Variants in GBP7 observed in about 807,000 individuals in gnomAD.
The protein encoded by GBP7 is guanylate binding protein 7.
Under a neutral mutation model 61.3 loss-of-function variants are expected in GBP7, and 43 were observed. The ratio of observed to expected loss-of-function variants is 0.70; its 90% CI spans 0.55 to 0.91. The LOEUF is 0.91. GBP7 is among the 40% of genes least tolerant of loss of function. The probability of loss-of-function intolerance (pLI) is 0.00; values close to 1 mark genes in which losing one functional copy is unlikely to be tolerated. For synonymous variants in GBP7, 267 were observed against 271.0 expected, an observed-to-expected ratio of 0.99 and a Z score of 0.14; for missense variants, 717 against 740.5, an observed-to-expected ratio of 0.97 and a Z score of 0.37.
chr1:89,132,031 G>T lies in GBP7; in HGVS notation c.*118C>A. Reference sequence around the variant, plus strand: ...ATTAAGTTTGTTTTTATGAACTTCAGGCCATAATATTCTTTGAAATTTGCT... The same window carrying T: ...ATTAAGTTTGTTTTTATGAACTTCATGCCATAATATTCTTTGAAATTTGCT... On this transcript the variant is annotated 3_prime_UTR_variant, in exon 11 of 11. Transcript: ENST00000294671. 1.4e-6 allele frequency: 1 copy of T among 707,818 alleles called. No individual in the cohort carries two copies. Among genetic ancestry groups the T allele is most frequent in the Non-Finnish European group, 2.2e-6 (1 of 454,780 alleles). 43.8% of individuals were successfully genotyped at this position (707,818 alleles called of 1,614,324 possible). A position where few individuals can be genotyped will look rare whatever the true frequency, so the allele number is the denominator to read the frequency against.
At chr1:89,138,175 A>G (rs1041505130) in intron 9 of GBP7, among the ~76,000 whole-genome samples, 10 of 152,154 alleles carry the variant, frequency 6.6e-5, no homozygotes, top group Non-Finnish European at 1.3e-4. Context: ...ACAAATGGAA[A>G]ATTATTTCAT....
rs903077636 is a variant in GBP7 at position 89,162,292 on chromosome 1, GT to G, written c.318+2438del. ...GTCCCATATGAATTTTTTAAAAACA[GT>G]TTTTTTCTAATTCTGTGAAGAATCT... On this transcript the variant is annotated intron_variant, in intron 3 of 10. Coordinates refer to ENST00000294671, the MANE Select transcript of GBP7 (RefSeq NM_207398.3). Among the ~76,000 whole-genome samples the G allele has an allele frequency of 3.9e-5, 6 of 152,082 alleles. No individual in the cohort carries two copies. In the East Asian group the frequency reaches 5.8e-4, roughly 15 times the overall value.
intron 3 of GBP7, among the ~76,000 whole-genome samples, chr1:89,155,878 G>A (rs1260124960): frequency 6.6e-6 from 1 of 152,108 alleles, no homozygotes; most frequent in Non-Finnish European, 1.5e-5. Flanking sequence ...TACTCCTCGA[G>A]AAAAGCAACT....
At chr1:89,157,970 C>A (rs1357216346) in intron 3 of GBP7, among the ~76,000 whole-genome samples, 1 of 152,172 alleles carries the variant, frequency 6.6e-6, no homozygotes, top group Non-Finnish European at 1.5e-5. Flanking sequence ...CAATAAGATA[C>A]TGGCAAACCA....
intron 3 of GBP7, among the ~76,000 whole-genome samples, chr1:89,161,595 A>C (rs559051925): frequency 9.9e-5 from 15 of 151,648 alleles, no homozygotes; most frequent in African/African-American, 3.6e-4. Context: ...GTGTCTGTTC[A>C]TGTCTTTTGC....
intron 3 of GBP7, among the ~76,000 whole-genome samples, chr1:89,158,566 A>G (rs1194574393): frequency 6.6e-6 from 1 of 152,178 alleles, no homozygotes; most frequent in Non-Finnish European, 1.5e-5. Flanking sequence ...TACACCAATA[A>G]CAGACAAACA....
At position 89,139,311 on chromosome 1, in the gene GBP7, CTTAGATG is replaced by C. The variant is rs1387053940; in HGVS notation, c.1468+2228_1468+2234del. Among the ~76,000 whole-genome samples the C allele has an allele frequency of 8.6e-5, 13 of 151,982 alleles. No homozygotes were observed. The East Asian group carries it at 2.5e-3, about 29-fold the overall frequency. On this transcript the variant is annotated intron_variant, in intron 9 of 10. Transcript: ENST00000294671. Reference sequence around the variant, plus strand: ...AAATGAATTCAAGATGGATTAAAGACTTAGATGTTAGACCTAAAACCATAAAAACCCT... The same window carrying C: ...AAATGAATTCAAGATGGATTAAAGACTTAGACCTAAAACCATAAAAACCCT...
At chr1:89,170,332 A>G (rs1385715243) in intron 2 of GBP7, among the ~76,000 whole-genome samples, 1 of 152,162 alleles carries the variant, frequency 6.6e-6, no homozygotes, top group Non-Finnish European at 1.5e-5. Flanking sequence ...TACCTGTCTG[A>G]CTTCTGCAGA....
chr1:89,137,036 CACTA>C (rs1309693228), intron 9 of GBP7, among the ~76,000 whole-genome samples: 4 of 151,994 alleles, frequency 2.6e-5, no homozygotes, highest in Non-Finnish European at 4.4e-5. Flanking sequence ...CCACTATGCA[CACTA>C]ACTAAGAAAC....
chr1:89,166,206 G>A (rs899495546), intron 2 of GBP7, among the ~76,000 whole-genome samples: 3 of 152,298 alleles, frequency 2.0e-5, no homozygotes, highest in Non-Finnish European at 4.4e-5. Flanking sequence ...TAGAGAGAGG[G>A]CTGATACAAG....
At chr1:89,156,010 T>C (rs575931106) in intron 3 of GBP7, among the ~76,000 whole-genome samples, 7 of 152,322 alleles carry the variant, frequency 4.6e-5, no homozygotes, top group Admixed American at 1.3e-4. Flanking sequence ...GCAGATCTCT[T>C]GGCAGAAACT....
Position 89,152,792 on chromosome 1 carries a change from A to AG in GBP7, c.319-16_319-15insC. ...TTAGGGTCACTCTAGTGTTAAAGAA[A>AG]AAAAAAAAAAAAATGGAAGCCACAG... On this transcript the variant is annotated splice_polypyrimidine_tract_variant and intron_variant, in intron 3 of 10. Coordinates refer to ENST00000294671, the MANE Select transcript of GBP7 (RefSeq NM_207398.3). 1 of 1,421,530 alleles carries AG rather than the reference A, an allele frequency of 7.0e-7. No homozygotes were observed. The highest frequency in any genetic ancestry group is 9.4e-7 in the Non-Finnish European group (1 of 1,061,998). 88.1% of individuals were successfully genotyped at this position (1,421,530 alleles called of 1,614,324 possible).
chr1:89,143,549 C>T (rs893848291), intron 8 of GBP7, among the ~76,000 whole-genome samples: 4 of 151,896 alleles, frequency 2.6e-5, no homozygotes, highest in Non-Finnish European at 1.5e-5. Context: ...ATTTTAAGTT[C>T]GGGGTAATTT....
rs768131392 is a variant in GBP7 at position 89,132,127 on chromosome 1, T to C, written c.*22A>G. 6.3e-7 allele frequency: 1 copy of C among 1,580,850 alleles called. No individual in the cohort carries two copies. The highest frequency in any genetic ancestry group is 8.6e-7 in the Non-Finnish European group (1 of 1,163,838). On this transcript the variant is annotated 3_prime_UTR_variant, in exon 11 of 11. Coordinates refer to ENST00000294671, the MANE Select transcript of GBP7 (RefSeq NM_207398.3). ...ACTTTTAAAATGAGCAACAGCGTTA[T>C]ACCATTTTAACAAAAGAAACCTCAG...
intron 1 of GBP7, among the ~76,000 whole-genome samples, chr1:89,175,666 G>A (rs1479485087): frequency 3.3e-5 from 5 of 152,184 alleles, no homozygotes; most frequent in Non-Finnish European, 7.3e-5. Context: ...AGTAATTTAA[G>A]ATGGTGTCAG....
intron 3 of GBP7, among the ~76,000 whole-genome samples, chr1:89,153,221 A>G (rs992106319): frequency 2.0e-5 from 3 of 152,184 alleles, no homozygotes; most frequent in African/African-American, 7.2e-5. Flanking sequence ...AGGACTTAAG[A>G]GTCTCCTTTT....
Position 89,166,059 on chromosome 1 carries a change from C to T in GBP7, c.191-1201G>A, listed in dbSNP as rs543417409. Among the ~76,000 whole-genome samples the T allele has an allele frequency of 2.4e-4, 37 of 152,164 alleles. No individual in the cohort carries two copies. In the East Asian group the frequency reaches 3.9e-3, roughly 16 times the overall value. ...TTGGACTTCCCAACCTCCAGATCTACGAGAAATAAGTTTTTATTATTTCTA... is the reference window on the plus strand; with the variant it reads ...TTGGACTTCCCAACCTCCAGATCTATGAGAAATAAGTTTTTATTATTTCTA... On this transcript the variant is annotated intron_variant, in intron 2 of 10. Coordinates refer to ENST00000294671, the MANE Select transcript of GBP7 (RefSeq NM_207398.3).
At chr1:89,167,960 C>T (rs1292907844) in intron 2 of GBP7, among the ~76,000 whole-genome samples, 1 of 152,130 alleles carries the variant, frequency 6.6e-6, no homozygotes, top group Non-Finnish European at 1.5e-5. Flanking sequence ...GGACTCTAGC[C>T]AGCTATATTT....
rs1682230439 is a variant in GBP7 at position 89,152,676 on chromosome 1, C to G, written c.420G>C (p.Glu140Asp). 6.2e-7 allele frequency: 1 copy of G among 1,612,290 alleles called. No homozygotes were observed. The highest frequency in any genetic ancestry group is 1.3e-5 in the African/African-American group (1 of 74,816). The change falls in exon 4 of 11, where the codon GAG becomes GAC. Residue 140 changes from glutamate to aspartate, a missense_variant. Around this residue, in one of 3 missense-constraint regions of GBP7, gnomAD observed 387 missense variants for 385.2 expected, o/e 1.00. Transcript: ENST00000294671. ...ACTTCCTGGAAGGATACTGCAGCTG[C>G]TCCAGGGCCTGGTGGTTGATGGTGC... The part of the protein sequence containing the change: ...SMGTINHQAL[E>D]QLHYVTELTE...
Sources: gnomAD v4.1 joint callset for allele counts (sites outside exome capture counted in the v4.1 genomes callset) on GRCh38, gnomAD v4.1.1 for gene constraint, gnomAD v4.1.1 regional missense constraint, MANE v1.5 for transcripts, NCBI Gene and HGNC (gene_info 2026-07-23, HGNC 2026-07-21) for gene names.